Variants in GDF7 observed in about 807,000 individuals in gnomAD.
The protein encoded by GDF7 is growth differentiation factor 7, also known as growth/differentiation factor 7.
GDF7 carries 12 observed loss-of-function variants against 13.4 expected under a neutral mutation model. The observed-to-expected ratio is 0.90, with a 90% CI of 0.57 to 1.45. The LOEUF (loss-of-function observed/expected upper bound fraction) is 1.45, where lower values mean the gene tolerates loss of function less well. Ranked by LOEUF, GDF7 falls within the 40% of genes most tolerant of loss-of-function variation. GDF7 has a pLI of 0.00. For synonymous variants in GDF7, 330 were observed against 306.4 expected, an observed-to-expected ratio of 1.08 and a Z score of -0.80; for missense variants, 651 against 652.4, an observed-to-expected ratio of 1.00 and a Z score of 0.02.
At chr2:20,669,659 C>T (rs913670691) in intron 1 of GDF7, among the ~76,000 whole-genome samples, 2 of 152,220 alleles carry the variant, frequency 1.3e-5, no homozygotes, top group Non-Finnish European at 2.9e-5. Flanking sequence ...CTGCCTTTCC[C>T]CCTCCTTCGG....
Position 20,671,272 on chromosome 2 carries a change from G to A in GDF7, c.1200G>A (p.Thr400=), listed in dbSNP as rs753945545. 6.2e-6 allele frequency: 10 copies of A among 1,613,816 alleles called. No individual in the cohort carries two copies. The Admixed American group carries it at 1.7e-4, about 27-fold the overall frequency. Residue 400 remains threonine, a synonymous_variant, in exon 2 of 2, where the codon ACG becomes ACA. Coordinates refer to ENST00000272224, the MANE Select transcript of GDF7 (RefSeq NM_182828.4). ...CCACCAACCATGCCATCATTCAGAC[G>A]CTGCTCAACTCCATGGCACCAGACG... ...LEPTNHAIIQ[T]LLNSMAPDAA...
At position 20,673,670 on chromosome 2, in the gene GDF7, A is replaced by G. The variant is rs181727568; in HGVS notation, c.*2245A>G. 32 of 152,282 alleles carry G rather than the reference A, an allele frequency of 2.1e-4. No homozygotes were observed. The highest frequency in any genetic ancestry group is 7.0e-4 in the African/African-American group (29 of 41,546). The allele number at this position is 152,282 out of a possible 1,614,324, so 9.4% of individuals were successfully genotyped here. A position where few individuals can be genotyped will look rare whatever the true frequency, so the allele number is the denominator to read the frequency against. ...CAATTTTTTGGGCAGAAATGTCTTG[A>G]TTTAGCCTGGCCTTTTTATAGTAGG... On this transcript the variant is annotated 3_prime_UTR_variant, in exon 2 of 2. Transcript: ENST00000272224.
chr2:20,667,548 TC>T lies in GDF7; in HGVS notation c.311del (p.Pro104ArgfsTer100). On this transcript the variant is annotated frameshift_variant, in exon 1 of 2. Coordinates refer to ENST00000272224, the MANE Select transcript of GDF7 (RefSeq NM_182828.4). LOFTEE classifies it high-confidence loss of function. The surrounding 1 kb of genome is among the most constrained non-coding windows in gnomAD (Gnocchi z 6.4). ...TTTACCGGAGCCTGGCCGGGAGGGC[TC>T]CGGCCGGGGCAGCCGCTGTCTCCGC... is the stretch of plus-strand genomic sequence containing the variant. Reference protein sequence around the residue: ...SLYRSLAGRAPAGAAAVSASG... With the variant: ...SLYRSLAGRAXAGAAAVSASG... 1 of 1,471,052 alleles carries T rather than the reference TC, an allele frequency of 6.8e-7. No individual in the cohort carries two copies. The highest frequency in any genetic ancestry group is 8.9e-7 in the Non-Finnish European group (1 of 1,117,638). 91.1% of individuals were successfully genotyped at this position (1,471,052 alleles called of 1,614,324 possible). A position where few individuals can be genotyped will look rare whatever the true frequency, so the allele number is the denominator to read the frequency against.
chr2:20,668,024 C>G (rs1195253465), intron 1 of GDF7, among the ~76,000 whole-genome samples: 1 of 152,212 alleles, frequency 6.6e-6, no homozygotes, highest in Non-Finnish European at 1.5e-5. Context: ...AGGGACTGCA[C>G]GGTGGTGAGG....
In GDF7 at chr2:20,676,060, T is replaced by C. The variant is rs1457551046; in HGVS notation, c.*4635T>C. ...GCTGGGGCCTCTGCAGGCAGAAGGG[T>C]AAAGGCAAGGCTGTGCCTGGTTGGT... On this transcript the variant is annotated 3_prime_UTR_variant, in exon 2 of 2. Transcript: ENST00000272224. The C allele has an allele frequency of 7.0e-6, 1 of 142,764 alleles. No individual in the cohort carries two copies. Among genetic ancestry groups the C allele is most frequent in the Non-Finnish European group, 1.5e-5 (1 of 65,282 alleles). 8.8% of individuals were successfully genotyped at this position (142,764 alleles called of 1,614,324 possible).
chr2:20,669,268 G>C (rs1025729983), intron 1 of GDF7, among the ~76,000 whole-genome samples: 2 of 152,076 alleles, frequency 1.3e-5, no homozygotes, highest in African/African-American at 4.8e-5. Context: ...GGATAGAACC[G>C]GGACCTCAGG....
At chr2:20,668,604 G>A (rs1662024516) in intron 1 of GDF7, among the ~76,000 whole-genome samples, 1 of 152,248 alleles carries the variant, frequency 6.6e-6, no homozygotes, top group African/African-American at 2.4e-5. Flanking sequence ...GGGCTGGGAA[G>A]TGAGCGGGTG....
In GDF7 at chr2:20,670,926, G is replaced by C. The variant is rs1376191059; in HGVS notation, c.854G>C (p.Arg285Pro). ...AAAGAGAGCTTATTCCGGGAGATCCGCGCCCAGGCCCGCGCGCTCGGGGCC... is the reference window on the plus strand; with the variant it reads ...AAAGAGAGCTTATTCCGGGAGATCCCCGCCCAGGCCCGCGCGCTCGGGGCC... ...QRKESLFREI[R>P]AQARALGAAL... The change falls in exon 2 of 2, where the codon CGC becomes CCC. Residue 285 changes from arginine to proline, a missense_variant. Around this residue, in one of 4 missense-constraint regions of GDF7, gnomAD observed 487 missense variants for 445.9 expected, o/e 1.09. Transcript: ENST00000272224. The C allele has an allele frequency of 1.9e-6, 3 of 1,572,614 alleles. No homozygotes were observed. Among genetic ancestry groups the C allele is most frequent in the Non-Finnish European group, 1.7e-6 (2 of 1,168,058 alleles).
rs1208082869 is a variant in GDF7, at chr2:20,670,884, C to T, written c.812C>T (p.Ser271Phe). The T allele has an allele frequency of 3.2e-6, 5 of 1,542,226 alleles. No homozygotes were observed. The highest frequency in any genetic ancestry group is 1.4e-5 in the African/African-American group (1 of 70,862). ...AAEERAVLVVSSRTQRKESLF... is the reference protein window; with the variant it reads ...AAEERAVLVVFSRTQRKESLF... ...GAGGAGCGCGCGGTGCTAGTCGTCT[C>T]CTCCCGCACGCAGAGGAAAGAGAGC... Residue 271 changes from serine (S) to phenylalanine (F), a missense_variant, in exon 2 of 2, where the codon TCC (serine) becomes TTC (phenylalanine). Transcript: ENST00000272224.
rs919522977 is a variant in GDF7 at position 20,667,217 on chromosome 2, C to A, written c.-23C>A. The A allele has an allele frequency of 4.9e-5, 57 of 1,170,738 alleles. No individual in the cohort carries two copies. Among genetic ancestry groups the A allele is most frequent in the Non-Finnish European group, 5.6e-5 (53 of 949,868 alleles). 72.5% of individuals were successfully genotyped at this position (1,170,738 alleles called of 1,614,324 possible). A position where few individuals can be genotyped will look rare whatever the true frequency, so the allele number is the denominator to read the frequency against. The stretch of plus-strand genomic sequence containing the variant: ...CCGGAGCCACGGAGCCCGCGCCGCC[C>A]GCCCGCCCGGCCCACGGAGCCCATG... On this transcript the variant is annotated 5_prime_UTR_variant, in exon 1 of 2. Transcript: ENST00000272224. This position sits in a 1 kb window ranked among gnomAD's most constrained non-coding sequence, Gnocchi z 6.4.
In GDF7 at chr2:20,667,321, G is replaced by A; in HGVS notation, c.82G>A (p.Val28Met). The A allele has an allele frequency of 6.4e-6, 7 of 1,097,384 alleles. No individual in the cohort carries two copies. In the South Asian group the frequency reaches 1.6e-4, roughly 26 times the overall value. 68.0% of individuals were successfully genotyped at this position (1,097,384 alleles called of 1,614,324 possible). A position where few individuals can be genotyped will look rare whatever the true frequency, so the allele number is the denominator to read the frequency against. Residue 28 changes from valine to methionine, a missense_variant, in exon 1 of 2, where the codon GTG (valine) becomes ATG (methionine). Coordinates refer to ENST00000272224, the MANE Select transcript of GDF7 (RefSeq NM_182828.4). The surrounding 1 kb of genome is among the most constrained non-coding windows in gnomAD (Gnocchi z 6.4). ...RPRDGLEAAA[V>M]LRAAGAGPVR... ...CCGCGACGGGCTGGAAGCGGCCGCC[G>A]TGCTGCGAGCGGCGGGGGCTGGGCC...
chr2:20,667,387 G>GGCGGCGGCGGC lies in GDF7; in HGVS notation c.149_150insCGGCGGCGGCG (p.Arg51GlyfsTer46). ...GGGCGGCGGCGGCGGCGGCGGCGGCGGGCGGACTCTTGCCCAGGCTGCGGG... is the reference window on the plus strand; with the variant it reads ...GGGCGGCGGCGGCGGCGGCGGCGGCGGCGGCGGCGGCGGCGGACTCTTGCCCAGGCTGCGGG... On this transcript the variant is annotated frameshift_variant, in exon 1 of 2. Transcript: ENST00000272224. LOFTEE classifies it high-confidence loss of function. This position sits in a 1 kb window ranked among gnomAD's most constrained non-coding sequence, Gnocchi z 6.4. The GGCGGCGGCGGC allele has an allele frequency of 1.1e-6, 1 of 925,718 alleles. No individual in the cohort carries two copies. 57.3% of individuals were successfully genotyped at this position (925,718 alleles called of 1,614,324 possible).
At position 20,673,701 on chromosome 2, in the gene GDF7, A is replaced by G. The variant is rs888421372; in HGVS notation, c.*2276A>G. The G allele has an allele frequency of 6.6e-6, 1 of 152,150 alleles. No homozygotes were observed. Among genetic ancestry groups the G allele is most frequent in the East Asian group, 1.9e-4 (1 of 5,196 alleles). The allele number at this position is 152,150 out of a possible 1,614,324, so 9.4% of individuals were successfully genotyped here. ...CCTGGCCTTTTTATAGTAGGGAAAA[A>G]AACTGTCAATTTCCCCTCTTTCCTT... On this transcript the variant is annotated 3_prime_UTR_variant, in exon 2 of 2. Transcript: ENST00000272224.
chr2:20,667,237 C>A lies in GDF7; in HGVS notation c.-3C>A, dbSNP rs1242309971. On this transcript the variant is annotated 5_prime_UTR_variant, in exon 1 of 2. Coordinates refer to ENST00000272224, the MANE Select transcript of GDF7 (RefSeq NM_182828.4). The surrounding 1 kb of genome is among the most constrained non-coding windows in gnomAD (Gnocchi z 6.4). ...CCGCCCGCCCGCCCGGCCCACGGAG[C>A]CCATGGACCTGAGCGCCGCCGCCGC... The A allele has an allele frequency of 1.7e-6, 2 of 1,211,930 alleles. No homozygotes were observed. Among genetic ancestry groups the A allele is most frequent in the East Asian group, 3.9e-5 (1 of 25,402 alleles). 75.1% of individuals were successfully genotyped at this position (1,211,930 alleles called of 1,614,324 possible).
In GDF7 at chr2:20,670,979, C is replaced by G. The variant is rs1662111138; in HGVS notation, c.907C>G (p.Pro303Ala). The change falls in exon 2 of 2, where the codon CCA becomes GCA. Residue 303 changes from proline (P) to alanine (A), a missense_variant. Pro to Ala is a conservative substitution (Grantham distance 27, BLOSUM62 -1). This residue lies in a region of GDF7 where 487 missense variants were observed against 445.9 expected (regional missense o/e 1.09). Coordinates refer to ENST00000272224, the MANE Select transcript of GDF7 (RefSeq NM_182828.4). ...TCTGGCCTCAGAGCCGCTGCCCGAC[C>G]CAGGAACCGGCACCGCGTCGCCAAG... is the stretch of plus-strand genomic sequence containing the variant. ...AALASEPLPD[P>A]GTGTASPRAV... The G allele has an allele frequency of 6.4e-7, 1 of 1,556,878 alleles. No homozygotes were observed. The highest frequency in any genetic ancestry group is 1.8e-5 in the Admixed American group (1 of 56,316).
In GDF7 at chr2:20,667,471, G is replaced by GCGA. The variant is rs1695986734; in HGVS notation, c.232_233insCGA (p.Gly78delinsAlaSer). ...GGCCCGCGCCGCGCGCCGCGCCGCG[G>GCGA]GCTCCGGCTTCAGGAACGGCTCGGT... is the stretch of plus-strand genomic sequence containing the variant. On this transcript the variant is annotated protein_altering_variant, in exon 1 of 2. Coordinates refer to ENST00000272224, the MANE Select transcript of GDF7 (RefSeq NM_182828.4). This position sits in a 1 kb window ranked among gnomAD's most constrained non-coding sequence, Gnocchi z 6.4. 1 of 1,247,394 alleles carries GCGA rather than the reference G, an allele frequency of 8.0e-7. No homozygotes were observed. Among genetic ancestry groups the GCGA allele is most frequent in the Non-Finnish European group, 1.0e-6 (1 of 995,458 alleles). The allele number at this position is 1,247,394 out of a possible 1,614,324, so 77.3% of individuals were successfully genotyped here.
chr2:20,669,614 C>T (rs1449646085), intron 1 of GDF7, among the ~76,000 whole-genome samples: 2 of 152,188 alleles, frequency 1.3e-5, no homozygotes, highest in Non-Finnish European at 2.9e-5. Context: ...CCGGGATGCC[C>T]CGCACCCCTC....
In GDF7 at chr2:20,678,195, T is replaced by C. The variant is rs1662265925; in HGVS notation, c.*6770T>C. 1 of 152,242 alleles carries C rather than the reference T, an allele frequency of 6.6e-6. No individual in the cohort carries two copies. The highest frequency in any genetic ancestry group is 1.5e-5 in the Non-Finnish European group (1 of 68,050). The allele number at this position is 152,242 out of a possible 1,614,324, so 9.4% of individuals were successfully genotyped here. A position where few individuals can be genotyped will look rare whatever the true frequency, so the allele number is the denominator to read the frequency against. On this transcript the variant is annotated 3_prime_UTR_variant, in exon 2 of 2. Coordinates refer to ENST00000272224, the MANE Select transcript of GDF7 (RefSeq NM_182828.4). ...TGTTCTAAGCCAGGAACAGAGACTC[T>C]CAAGAGAGGAATTCTCTGGCATTCT...
rs566187731 is a variant in GDF7 at position 20,673,793 on chromosome 2, G to C, written c.*2368G>C. Reference sequence around the variant, plus strand: ...GGAAGTAGGTACCTTCCTGCATCTTGAGTTCAGGTGGCACCCGGTGGGAGG... The same window carrying C: ...GGAAGTAGGTACCTTCCTGCATCTTCAGTTCAGGTGGCACCCGGTGGGAGG... On this transcript the variant is annotated 3_prime_UTR_variant, in exon 2 of 2. Coordinates refer to ENST00000272224, the MANE Select transcript of GDF7 (RefSeq NM_182828.4). The C allele has an allele frequency of 3.2e-4, 49 of 152,360 alleles. No individual in the cohort carries two copies. The highest frequency in any genetic ancestry group is 1.1e-3 in the African/African-American group (47 of 41,574). The allele number at this position is 152,360 out of a possible 1,614,324, so 9.4% of individuals were successfully genotyped here. A position where few individuals can be genotyped will look rare whatever the true frequency, so the allele number is the denominator to read the frequency against.
Sources: allele counts gnomAD v4.1 joint callset (sites outside exome capture counted in the v4.1 genomes callset), GRCh38; gene constraint gnomAD v4.1.1; regional missense constraint gnomAD v4.1.1; non-coding constraint Gnocchi (gnomAD v3.1); transcripts MANE v1.5; gene names NCBI Gene and HGNC (gene_info 2026-07-23, HGNC 2026-07-21).